ADGRG2: variants seen among roughly 807,000 people sequenced by gnomAD.
ADGRG2 encodes the protein adhesion G protein-coupled receptor G2.
Under a neutral mutation model 74.1 loss-of-function variants are expected in ADGRG2, and 26 were observed. The ratio of observed to expected loss-of-function variants is 0.35; its 90% CI spans 0.26 to 0.49. ADGRG2 has a LOEUF of 0.49. Ranked by LOEUF, ADGRG2 falls within the 20% of genes least tolerant of loss-of-function variation. The probability of loss-of-function intolerance (pLI) is 0.99; values close to 1 mark genes in which losing one functional copy is unlikely to be tolerated. For missense variants in ADGRG2, 619 were observed against 763.1 expected, an observed-to-expected ratio of 0.81 and a Z score of 2.22; for synonymous variants, 296 against 295.2, an observed-to-expected ratio of 1.00 and a Z score of -0.03.
intron 1 of ADGRG2, among the ~76,000 whole-genome samples, chrX:19,110,556 T>C (rs935732235): frequency 9.1e-6 from 1 of 109,385 alleles, no homozygotes; most frequent in South Asian, 4.0e-4. Context: ...TGTGGTTGCA[T>C]GCACCTATAA....
At chrX:19,086,147 C>G (rs2061932084) in intron 1 of ADGRG2, among the ~76,000 whole-genome samples, 1 of 111,856 alleles carries the variant, frequency 8.9e-6, no homozygotes, top group Admixed American at 9.5e-5. Context: ...CACCCACCAG[C>G]CTTTATCTCC....
In ADGRG2 at chrX:19,091,368, G is replaced by T. The variant is rs768943430; in HGVS notation, c.-46-8622C>A. On this transcript the variant is annotated intron_variant, in intron 1 of 28. Transcript: ENST00000379869. ...AATAGGAGGGGGTCTTAGTGGAAGTGGGGGTCCAGTTTGGAATTTTAGCTC... is the reference window on the plus strand; with the variant it reads ...AATAGGAGGGGGTCTTAGTGGAAGTTGGGGTCCAGTTTGGAATTTTAGCTC... 8.1e-4 allele frequency among the ~76,000 whole-genome samples: 89 copies of T among 110,230 alleles called. 1 individual carries two copies. The highest frequency in any genetic ancestry group is 2.8e-3 in the African/African-American group (85 of 30,303).
In ADGRG2 at chrX:19,016,635, G is replaced by A. The variant is rs777495765; in HGVS notation, c.711-2561C>T. On this transcript the variant is annotated intron_variant, in intron 15 of 28. Coordinates refer to ENST00000379869, the MANE Select transcript of ADGRG2 (RefSeq NM_001079858.3). ...ATGTATACATGTGCCATGCTGGTGC[G>A]CTGCACCCACTAACTCGTCATCTAG... 3.3e-4 allele frequency among the ~76,000 whole-genome samples: 36 copies of A among 107,574 alleles called. No individual in the cohort carries two copies. The South Asian group carries it at 0.013, about 40-fold the overall frequency. 93.4% of individuals were successfully genotyped at this position (107,574 alleles called of 115,157 possible). A position where few individuals can be genotyped will look rare whatever the true frequency, so the allele number is the denominator to read the frequency against.
intron 22 of ADGRG2, among the ~76,000 whole-genome samples, chrX:19,005,551 T>C (rs989984233): frequency 9.6e-6 from 1 of 104,619 alleles, no homozygotes; most frequent in Admixed American, 1.0e-4. Context: ...GGAATCTCTC[T>C]CTCTTTTTTT....
In ADGRG2 at chrX:18,998,991, C is replaced by T; in HGVS notation, c.2614+5G>A. On this transcript the variant is annotated splice_donor_5th_base_variant and intron_variant, in intron 26 of 28. Transcript: ENST00000379869. Reference sequence around the variant, plus strand: ...TCAGTTTGTATTTGATGCTGTAAAGCTTACCTTGTAAGGTATTAAAGATGG... The same window carrying T: ...TCAGTTTGTATTTGATGCTGTAAAGTTTACCTTGTAAGGTATTAAAGATGG... 2 of 1,179,178 alleles carry T rather than the reference C, an allele frequency of 1.7e-6. No homozygotes were observed. The highest frequency in any genetic ancestry group is 2.3e-6 in the Non-Finnish European group (2 of 871,777).
intron 24 of ADGRG2, among the ~76,000 whole-genome samples, chrX:19,002,353 AC>A (rs2060147526): frequency 1.8e-5 from 2 of 111,699 alleles, no homozygotes; most frequent in Non-Finnish European, 3.8e-5. Context: ...TGTCATGCCC[AC>A]GTGGCAGTGA....
At chrX:19,084,952 T>C (rs927495243) in intron 1 of ADGRG2, among the ~76,000 whole-genome samples, 3 of 112,537 alleles carry the variant, frequency 2.7e-5, no homozygotes, top group African/African-American at 3.2e-5. Context: ...CATACACCAT[T>C]GGTGGAAACA....
intron 2 of ADGRG2, among the ~76,000 whole-genome samples, chrX:19,070,949 G>A (rs1297049156): frequency 1.8e-5 from 2 of 111,382 alleles, no homozygotes; most frequent in Non-Finnish European, 3.8e-5. Context: ...TGAATGCACT[G>A]TAAATGTTAG....
intron 3 of ADGRG2, among the ~76,000 whole-genome samples, chrX:19,041,517 T>C (rs890762597): frequency 8.9e-6 from 1 of 112,196 alleles, no homozygotes; most frequent in Admixed American, 9.5e-5. Context: ...GTTTGCAAAC[T>C]AACATTGCAC....
intron 3 of ADGRG2, among the ~76,000 whole-genome samples, chrX:19,050,531 G>A (rs186285266): frequency 9.0e-6 from 1 of 111,508 alleles, no homozygotes. Flanking sequence ...ACACTTAGAT[G>A]GACACAATGG....
intron 3 of ADGRG2, among the ~76,000 whole-genome samples, chrX:19,061,406 C>CT (rs1195644624): frequency 1.8e-5 from 2 of 112,098 alleles, no homozygotes; most frequent in Non-Finnish European, 3.8e-5. Context: ...AATGATGTCT[C>CT]TACATACCTG....
At chrX:19,108,875 T>A (rs1327429138) in intron 1 of ADGRG2, among the ~76,000 whole-genome samples, 1 of 111,419 alleles carries the variant, frequency 9.0e-6, no homozygotes, top group African/African-American at 3.3e-5. Context: ...GTAATGTGTA[T>A]AATTTGTACT....
At chrX:19,097,238 G>A (rs1344128460) in intron 1 of ADGRG2, among the ~76,000 whole-genome samples, 3 of 112,931 alleles carry the variant, frequency 2.7e-5, no homozygotes, top group African/African-American at 3.2e-5. Context: ...TTGGCCAGGC[G>A]TTGTGGCTTA....
intron 15 of ADGRG2, among the ~76,000 whole-genome samples, chrX:19,018,033 C>A (rs1387840487): frequency 1.8e-5 from 2 of 111,938 alleles, no homozygotes; most frequent in Non-Finnish European, 3.8e-5. Context: ...CACCCATCTC[C>A]CAGTTTCCCT....
chrX:19,116,309 G>A (rs769449968), intron 1 of ADGRG2, among the ~76,000 whole-genome samples: 5 of 108,888 alleles, frequency 4.6e-5, no homozygotes, highest in African/African-American at 1.7e-4. Context: ...TCAAGAGCTC[G>A]AGAAAAGCCT....
At chrX:19,007,919 A>C (rs1261651881) in intron 19 of ADGRG2, 61 bp downstream of exon 19, 1 of 1,015,340 alleles carries the variant, frequency 9.8e-7, no homozygotes, top group African/African-American at 1.9e-5. Flanking sequence ...GCACTAAAAG[A>C]AATGAAATGC....
Position 18,992,268 on chromosome X carries a change from A to C in ADGRG2, c.2870-1220T>G, listed in dbSNP as rs150857447. Among the ~76,000 whole-genome samples the C allele has an allele frequency of 3.5e-3, 396 of 112,309 alleles. 1 individual carries two copies. Among genetic ancestry groups the C allele is most frequent in the African/African-American group, 0.012 (371 of 31,046 alleles). ...TGGTGCAAGAACAATTTGGTCTGGC[A>C]TAATAAATCATTAAACTTCTAGCTT... On this transcript the variant is annotated intron_variant, in intron 28 of 28. Transcript: ENST00000379869.
intron 26 of ADGRG2, among the ~76,000 whole-genome samples, chrX:18,998,715 G>A (rs187845000): frequency 9.3e-6 from 1 of 107,190 alleles, no homozygotes; most frequent in South Asian, 4.1e-4. Flanking sequence ...CTCTGTATCA[G>A]CAGTTTTTAG....
intron 1 of ADGRG2, among the ~76,000 whole-genome samples, chrX:19,085,070 T>C (rs913348123): frequency 1.2e-4 from 13 of 111,908 alleles, no homozygotes; most frequent in South Asian, 7.4e-4. Context: ...TACTGACCCA[T>C]AGATACAAAA....
Sources: allele counts gnomAD v4.1 joint callset (sites outside exome capture counted in the v4.1 genomes callset), GRCh38; gene constraint gnomAD v4.1.1; transcripts MANE v1.5; gene names NCBI Gene and HGNC (gene_info 2026-07-23, HGNC 2026-07-21).